TMCO4: variants seen among roughly 807,000 people sequenced by gnomAD.
TMCO4 encodes transmembrane and coiled-coil domain-containing protein 4.
TMCO4 carries 58 observed loss-of-function variants against 64.7 expected under a neutral mutation model. The observed-to-expected ratio is 0.90, with a 90% CI of 0.73 to 1.12. The LOEUF is 1.12. Among genes scored for constraint, TMCO4 ranks in the 50% most tolerant of loss-of-function variants. The pLI is 0.00. For missense variants in TMCO4, 780 were observed against 825.9 expected, an observed-to-expected ratio of 0.94 and a Z score of 0.68; for synonymous variants, 325 against 346.1, an observed-to-expected ratio of 0.94 and a Z score of 0.68.
Position 19,741,742 on chromosome 1 carries a change from C to CTT in TMCO4, c.878-803_878-802dup, listed in dbSNP as rs11404111. 8.7e-3 allele frequency among the ~76,000 whole-genome samples: 1,236 copies of CTT among 142,246 alleles called. 4 individuals are homozygous for CTT. The highest frequency in any genetic ancestry group is 0.015 in the Non-Finnish European group (978 of 65,412). 93.3% of individuals were successfully genotyped at this position (142,246 alleles called of 152,430 possible). On this transcript the variant is annotated intron_variant, in intron 10 of 15. Transcript: ENST00000294543. ...TGGCTTTTCTTTTCTTTCTTTCTTT[C>CTT]TTTTTTTTTTTTGAGACAGAGTTTT... is the stretch of plus-strand genomic sequence containing the variant.
intron 2 of TMCO4, among the ~76,000 whole-genome samples, chr1:19,793,503 T>G (rs1237926891): frequency 1.3e-5 from 2 of 152,138 alleles, no homozygotes; most frequent in Admixed American, 1.3e-4. Flanking sequence ...GTCAGCACCC[T>G]CTGCAGCCAT....
chr1:19,797,701 C>T (rs949437368), intron 2 of TMCO4, among the ~76,000 whole-genome samples: 2 of 151,842 alleles, frequency 1.3e-5, no homozygotes, highest in African/African-American at 4.8e-5. Flanking sequence ...CCCATCTCTA[C>T]TAAAATACAA....
intron 6 of TMCO4, among the ~76,000 whole-genome samples, chr1:19,757,172 C>T (rs2042299108): frequency 6.6e-6 from 1 of 151,616 alleles, no homozygotes; most frequent in South Asian, 2.1e-4. Context: ...GGGGGGGCGC[C>T]TGTAATTTCC....
At chr1:19,722,227 A>G (rs72658506) in intron 13 of TMCO4, among the ~76,000 whole-genome samples, 18,715 of 152,204 alleles carry the variant, frequency 0.12, 1,358 homozygotes, top group Admixed American at 0.21. Flanking sequence ...GTCCACAATC[A>G]CATGCTCATG....
rs2100488762 is a variant in TMCO4, at chr1:19,682,582, G to A, written c.*458C>T. On this transcript the variant is annotated 3_prime_UTR_variant, in exon 16 of 16. Transcript: ENST00000294543. ...GCCAGTTGATGGTGCCTGTCAGCTG[G>A]TGGGCAGCCCTGGAGTGTGGATGGA... 1 of 715,750 alleles carries A rather than the reference G, an allele frequency of 1.4e-6. No homozygotes were observed. The highest frequency in any genetic ancestry group is 2.6e-6 in the Non-Finnish European group (1 of 383,864). The allele number at this position is 715,750 out of a possible 1,614,324, so 44.3% of individuals were successfully genotyped here.
intron 6 of TMCO4, among the ~76,000 whole-genome samples, chr1:19,769,952 G>A (rs2042911853): frequency 6.6e-6 from 1 of 150,608 alleles, no homozygotes; most frequent in African/African-American, 2.4e-5. Flanking sequence ...TGCTTAGGGA[G>A]CTGCCGGAGG....
intron 13 of TMCO4, among the ~76,000 whole-genome samples, chr1:19,727,335 G>A (rs986855474): frequency 2.6e-5 from 4 of 152,196 alleles, no homozygotes; most frequent in Non-Finnish European, 5.9e-5. Context: ...CCTTTACCAA[G>A]CACCTACTAT....
At position 19,723,073 on chromosome 1, in the gene TMCO4, G is replaced by C. The variant is rs188390485; in HGVS notation, c.1264+14299C>G. On this transcript the variant is annotated intron_variant, in intron 13 of 15. Coordinates refer to ENST00000294543, the MANE Select transcript of TMCO4 (RefSeq NM_181719.7). ...CTCCTCTGAGCAAGGCAAGTCGCTG[G>C]AGGAGGTTAGGGCCACCTTCTCTCT... 1.3e-3 allele frequency among the ~76,000 whole-genome samples: 193 copies of C among 152,310 alleles called. 3 individuals carry two copies. The highest frequency in any genetic ancestry group is 9.4e-4 in the Non-Finnish European group (64 of 68,022).
rs764777014 is a variant in TMCO4 at position 19,683,368 on chromosome 1, C to T, written c.1577G>A (p.Trp526Ter). Residue 526 changes from tryptophan (W) to a stop codon, truncating the protein, a stop_gained, in exon 16 of 16, where the codon TGG becomes TAG. Coordinates refer to ENST00000294543, the MANE Select transcript of TMCO4 (RefSeq NM_181719.7). LOFTEE classifies it low-confidence loss of function (END_TRUNC). ...GGCCAGCAAGAGCCCCTTCTCGTCC[C>T]AGCCTGGCTTGGTGCGGATGCCCAC... The part of the protein sequence containing the change: ...KAVGIRTKPG[W>*]DEKGLLLAPG... The T allele has an allele frequency of 8.4e-5, 136 of 1,613,846 alleles. No individual in the cohort carries two copies. Among genetic ancestry groups the T allele is most frequent in the Middle Eastern group, 1.7e-4 (1 of 6,016 alleles).
chr1:19,763,448 C>T (rs1395133364), intron 6 of TMCO4, among the ~76,000 whole-genome samples: 3 of 152,180 alleles, frequency 2.0e-5, no homozygotes, highest in African/African-American at 4.8e-5. Flanking sequence ...TTGGCTGGCA[C>T]CTGGGACACA....
At chr1:19,724,201 A>G (rs2095398802) in intron 13 of TMCO4, among the ~76,000 whole-genome samples, 1 of 152,242 alleles carries the variant, frequency 6.6e-6, no homozygotes, top group African/African-American at 2.4e-5. Flanking sequence ...GCTCAGAGAC[A>G]GTGAGTACCA....
chr1:19,685,629 A>G (rs961327930), intron 15 of TMCO4, among the ~76,000 whole-genome samples: 1 of 151,634 alleles, frequency 6.6e-6, no homozygotes, highest in African/African-American at 2.4e-5. Flanking sequence ...GATGAAATTG[A>G]GCCACACGGA....
intron 2 of TMCO4, among the ~76,000 whole-genome samples, chr1:19,791,337 A>T (rs537514758): frequency 7.0e-6 from 1 of 143,206 alleles, no homozygotes; most frequent in African/African-American, 3.0e-5. Flanking sequence ...TTAAAATTAA[A>T]AAAAAAAAGG....
At chr1:19,780,788 G>C (rs771923664) in intron 3 of TMCO4, 22 bp from the exon 4 acceptor site, 2 of 1,536,538 alleles carry the variant, frequency 1.3e-6, no homozygotes, top group Non-Finnish European at 1.7e-6. Flanking sequence ...AATTCCCAGT[G>C]AGAAATGCTT....
intron 2 of TMCO4, among the ~76,000 whole-genome samples, chr1:19,789,096 T>TA (rs981326267): frequency 7.2e-6 from 1 of 139,124 alleles, no homozygotes; most frequent in Non-Finnish European, 1.6e-5. Flanking sequence ...AAAATTAAAT[T>TA]AAAAAAAACA....
At chr1:19,796,764 AG>A (rs2101170684) in intron 2 of TMCO4, among the ~76,000 whole-genome samples, 1 of 152,080 alleles carries the variant, frequency 6.6e-6, no homozygotes, top group Non-Finnish European at 1.5e-5. Flanking sequence ...TAGTAGAGAC[AG>A]GGTTTCACCA....
intron 7 of TMCO4, among the ~76,000 whole-genome samples, chr1:19,748,428 C>T (rs1207271012): frequency 6.6e-6 from 1 of 152,220 alleles, no homozygotes; most frequent in African/African-American, 2.4e-5. Flanking sequence ...TCTCCTTGAG[C>T]AGAAAAATGT....
intron 10 of TMCO4, among the ~76,000 whole-genome samples, chr1:19,742,126 C>T (rs2095482212): frequency 6.6e-6 from 1 of 152,158 alleles, no homozygotes; most frequent in Non-Finnish European, 1.5e-5. Context: ...TCCCCTAGAT[C>T]ACTACCACTT....
chr1:19,702,285 CAAAAA>C (rs71010505), intron 13 of TMCO4, among the ~76,000 whole-genome samples: 19 of 102,934 alleles, frequency 1.8e-4, no homozygotes, highest in Non-Finnish European at 3.4e-4. Flanking sequence ...CTTGTCTTTA[CAAAAA>C]AAAAAAAAAA....
Sources: gnomAD v4.1 joint callset for allele counts (sites outside exome capture counted in the v4.1 genomes callset) on GRCh38, gnomAD v4.1.1 for gene constraint, MANE v1.5 for transcripts, NCBI Gene and HGNC (gene_info 2026-07-23, HGNC 2026-07-21) for gene names.